Variants in DDX50 observed in about 807,000 individuals in gnomAD.
The protein encoded by DDX50 is DExD-box helicase 50, also known as ATP-dependent RNA helicase DDX50.
Under a neutral mutation model 94.8 loss-of-function variants are expected in DDX50, and 56 were observed. The ratio of observed to expected loss-of-function variants is 0.59; its 90% CI spans 0.48 to 0.74. The LOEUF is 0.74. DDX50 is among the 30% of genes least tolerant of loss of function. The pLI is 0.00. For synonymous variants in DDX50, 264 were observed against 295.4 expected, an observed-to-expected ratio of 0.89 and a Z score of 1.09; for missense variants, 713 against 881.2, an observed-to-expected ratio of 0.81 and a Z score of 2.42.
At chr10:68,946,231 A>T in intron 14 of DDX50, 121 bp from the exon 15 acceptor site, 1 of 1,216,884 alleles carries the variant, frequency 8.2e-7, no homozygotes, top group Non-Finnish European at 1.1e-6. Flanking sequence ...TGTTCCAGAT[A>T]CGTTAACAGA....
chr10:68,930,571 AGCC>A (rs2132050155), intron 8 of DDX50, among the ~76,000 whole-genome samples: 1 of 152,050 alleles, frequency 6.6e-6, no homozygotes, highest in African/African-American at 2.4e-5. Flanking sequence ...TGTAGCCTCT[AGCC>A]TCTACTTACC....
At chr10:68,901,613 G>A in intron 1 of DDX50, 142 bp downstream of exon 1, 3 of 860,076 alleles carry the variant, frequency 3.5e-6, no homozygotes, top group South Asian at 1.9e-5. Flanking sequence ...GGCCCTCTGG[G>A]GTCGCTCAGG....
At position 68,934,066 on chromosome 10, in the gene DDX50, C is replaced by A; in HGVS notation, c.1240-133C>A. On this transcript the variant is annotated intron_variant, in intron 8 of 14. Coordinates refer to ENST00000373585, the MANE Select transcript of DDX50 (RefSeq NM_024045.2). This position sits in a 1 kb window ranked among gnomAD's most constrained non-coding sequence, Gnocchi z 4.0. ...TGTCATGTTTGACTTTTTTTTTTTA[C>A]AGTAAGCATGCATTGTTAAAATCAT... The A allele has an allele frequency of 1.8e-5, 13 of 723,016 alleles. No homozygotes were observed. Among genetic ancestry groups the A allele is most frequent in the South Asian group, 4.1e-5 (1 of 24,152 alleles). 44.8% of individuals were successfully genotyped at this position (723,016 alleles called of 1,614,324 possible). A position where few individuals can be genotyped will look rare whatever the true frequency, so the allele number is the denominator to read the frequency against.
chr10:68,937,731 G>A (rs754375461), intron 12 of DDX50, among the ~76,000 whole-genome samples: 1 of 151,752 alleles, frequency 6.6e-6, no homozygotes, highest in Non-Finnish European at 1.5e-5. Flanking sequence ...GACTACAGGC[G>A]CACGCCACCA....
chr10:68,916,260 A>G (rs1841787252), intron 7 of DDX50, among the ~76,000 whole-genome samples: 1 of 150,740 alleles, frequency 6.6e-6, no homozygotes, highest in Non-Finnish European at 1.5e-5. Context: ...AGGCTGAGGC[A>G]GGAGAATTGC....
chr10:68,904,166 C>T (rs891798831), intron 1 of DDX50, among the ~76,000 whole-genome samples: 7 of 151,172 alleles, frequency 4.6e-5, no homozygotes, highest in African/African-American at 1.7e-4. Context: ...AAAAAATTAG[C>T]CAGCCGTTGT....
chr10:68,942,346 G>A (rs931881644), intron 13 of DDX50, among the ~76,000 whole-genome samples: 1 of 152,100 alleles, frequency 6.6e-6, no homozygotes, highest in Admixed American at 6.6e-5. Context: ...ATTCTAGCTT[G>A]GAATTTATTA....
intron 3 of DDX50, 82 bp from the exon 4 acceptor site, chr10:68,910,986 T>G (rs1479693220): frequency 1.6e-5 from 18 of 1,126,706 alleles, no homozygotes; most frequent in Non-Finnish European, 2.0e-5. Context: ...CATAGAAGAA[T>G]TATGATTGTC....
chr10:68,903,716 G>A (rs1260748040), intron 1 of DDX50, among the ~76,000 whole-genome samples: 1 of 151,906 alleles, frequency 6.6e-6, no homozygotes, highest in Non-Finnish European at 1.5e-5. Context: ...TAAGAGAATC[G>A]TATGAACCCG....
intron 7 of DDX50, 106 bp from the exon 8 acceptor site, chr10:68,919,726 G>C: frequency 7.3e-7 from 1 of 1,373,098 alleles, no homozygotes; most frequent in South Asian, 1.3e-5. Flanking sequence ...TTGTCTTACA[G>C]TCTCCCAGGA....
intron 2 of DDX50, among the ~76,000 whole-genome samples, chr10:68,908,616 C>T (rs1589249643): frequency 1.4e-5 from 2 of 147,664 alleles, no homozygotes; most frequent in Admixed American, 6.7e-5. Context: ...TTTCTGTTTC[C>T]TCTGTAGTTT....
At chr10:68,932,064 A>T (rs920391128) in intron 8 of DDX50, among the ~76,000 whole-genome samples, 8 of 152,212 alleles carry the variant, frequency 5.3e-5, no homozygotes, top group African/African-American at 1.9e-4. Flanking sequence ...TAACACTCTG[A>T]ACCTATACCT....
chr10:68,910,479 T>G (rs1254957709), intron 3 of DDX50, 97 bp downstream of exon 3: 6 of 913,442 alleles, frequency 6.6e-6, no homozygotes, highest in Non-Finnish European at 9.7e-6. Flanking sequence ...CTTGGCTCAC[T>G]GCAACCTCCG....
intron 8 of DDX50, among the ~76,000 whole-genome samples, chr10:68,926,808 C>T (rs1248127994): frequency 6.8e-6 from 1 of 147,918 alleles, no homozygotes; most frequent in Non-Finnish European, 1.5e-5. Context: ...CACACACACA[C>T]TTTTGGAAAA....
At chr10:68,914,561 C>T (rs773542811) in intron 7 of DDX50, among the ~76,000 whole-genome samples, 12 of 152,012 alleles carry the variant, frequency 7.9e-5, no homozygotes, top group Non-Finnish European at 1.5e-4. Flanking sequence ...AAGAATAGTG[C>T]GGAGATAATT....
At position 68,946,704 on chromosome 10, in the gene DDX50, A is replaced by G; in HGVS notation, c.*74A>G. 1 of 1,531,818 alleles carries G rather than the reference A, an allele frequency of 6.5e-7. No individual in the cohort carries two copies. The highest frequency in any genetic ancestry group is 8.8e-7 in the Non-Finnish European group (1 of 1,137,574). The allele number at this position is 1,531,818 out of a possible 1,614,324, so 94.9% of individuals were successfully genotyped here. ...TCATGTACATTATCCACCAAAAATT[A>G]GGTCATCATAGTTGAGGTATGTGTC... On this transcript the variant is annotated 3_prime_UTR_variant, in exon 15 of 15. Coordinates refer to ENST00000373585, the MANE Select transcript of DDX50 (RefSeq NM_024045.2).
chr10:68,902,814 G>A (rs1288041405), intron 1 of DDX50, among the ~76,000 whole-genome samples: 1 of 152,174 alleles, frequency 6.6e-6, no homozygotes, highest in East Asian at 1.9e-4. Flanking sequence ...CTGACAACCC[G>A]AATGTACCGT....
intron 2 of DDX50, among the ~76,000 whole-genome samples, chr10:68,909,074 C>A (rs1044723179): frequency 1.3e-5 from 2 of 152,202 alleles, no homozygotes; most frequent in Admixed American, 6.5e-5. Flanking sequence ...GATCCTACCA[C>A]CTTGGCCTCC....
chr10:68,909,803 C>T (rs1448323885), intron 2 of DDX50, among the ~76,000 whole-genome samples: 2 of 152,144 alleles, frequency 1.3e-5, no homozygotes, highest in African/African-American at 4.8e-5. Context: ...GCTGGGATTA[C>T]AGGCATGCGC....
Sources: gnomAD v4.1 joint callset for allele counts (sites outside exome capture counted in the v4.1 genomes callset) on GRCh38, gnomAD v4.1.1 for gene constraint, Gnocchi (gnomAD v3.1) non-coding constraint, MANE v1.5 for transcripts, NCBI Gene and HGNC (gene_info 2026-07-23, HGNC 2026-07-21) for gene names.